The following C7orf78 variants were observed in gnomAD, a reference collection of about 807,000 sequenced individuals.
The protein encoded by C7orf78 is putative uncharacterized protein C7orf78.
the C7orf78 span, among the ~76,000 whole-genome samples, chr7:12,539,324 C>T: frequency 4.6e-5 from 7 of 152,016 alleles, no homozygotes; most frequent in Non-Finnish European, 7.4e-5. Context: ...ATTAGCCGGG[C>T]GTGGTGGCAC....
chr7:12,530,743 T>G, the C7orf78 span, among the ~76,000 whole-genome samples: 2 of 152,134 alleles, frequency 1.3e-5, no homozygotes, highest in African/African-American at 4.8e-5. Context: ...TCACGAGAAG[T>G]TTAGTGAGTG....
chr7:12,491,738 G>A, the C7orf78 span: 1 of 152,150 alleles, frequency 6.6e-6, no homozygotes, highest in Non-Finnish European at 1.5e-5. Context: ...GATGCAACAT[G>A]GATCTCATGG....
At chr7:12,534,022 A>AT in the C7orf78 span, among the ~76,000 whole-genome samples, 2 of 152,008 alleles carry the variant, frequency 1.3e-5, no homozygotes, top group Non-Finnish European at 2.9e-5. Context: ...TTATTTTTTC[A>AT]TTTTTTACAA....
At chr7:12,495,931 T>A in the C7orf78 span, among the ~76,000 whole-genome samples, 37 of 123,726 alleles carry the variant, frequency 3.0e-4, no homozygotes, top group African/African-American at 8.4e-4. Flanking sequence ...CAAAAAAAAT[T>A]TTTTTTTTTT....
chr7:12,486,376 A>G, the C7orf78 span, among the ~76,000 whole-genome samples: 1 of 151,822 alleles, frequency 6.6e-6, no homozygotes, highest in Non-Finnish European at 1.5e-5. Flanking sequence ...TATTCATTCA[A>G]CAATATTTAT....
At chr7:12,500,802 C>T in the C7orf78 span, among the ~76,000 whole-genome samples, 65 of 147,950 alleles carry the variant, frequency 4.4e-4, no homozygotes, top group Middle Eastern at 6.9e-3. Context: ...GACCAATAGC[C>T]TTGATGAACA....
chr7:12,515,786 C>A, the C7orf78 span, among the ~76,000 whole-genome samples: 1 of 152,138 alleles, frequency 6.6e-6, no homozygotes, highest in African/African-American at 2.4e-5. Context: ...TGGCATTTTG[C>A]TCCTGCCCTA....
the C7orf78 span, chr7:12,529,057 T>C: frequency 2.5e-6 from 1 of 398,414 alleles, no homozygotes; most frequent in Admixed American, 4.4e-5. Context: ...GAGTTTGACT[T>C]TCTCTATAGC....
At chr7:12,494,358 T>C in the C7orf78 span, among the ~76,000 whole-genome samples, 14,457 of 152,172 alleles carry the variant, frequency 0.095, 846 homozygotes, top group Non-Finnish European at 0.13. Context: ...CTCTGAAGTA[T>C]CACTCCCACT....
At chr7:12,525,429 C>A in the C7orf78 span, among the ~76,000 whole-genome samples, 7 of 152,062 alleles carry the variant, frequency 4.6e-5, no homozygotes, top group Admixed American at 3.9e-4. Flanking sequence ...AAATAATATG[C>A]AATTCTATGT....
the C7orf78 span, among the ~76,000 whole-genome samples, chr7:12,517,197 G>A: frequency 9.2e-5 from 14 of 152,098 alleles, no homozygotes; most frequent in Non-Finnish European, 1.8e-4. Flanking sequence ...TTTTGTGGTA[G>A]TGAATAAGTC....
the C7orf78 span, among the ~76,000 whole-genome samples, chr7:12,516,611 C>T: frequency 4.6e-5 from 7 of 152,170 alleles, no homozygotes; most frequent in South Asian, 2.1e-4. Flanking sequence ...AATGCCAGCC[C>T]GTGAAAGCAG....
the C7orf78 span, chr7:12,507,268 A>T: frequency 6.6e-6 from 1 of 151,484 alleles, no homozygotes; most frequent in Non-Finnish European, 1.4e-5. Flanking sequence ...AGATCGTGCC[A>T]CTGCACTCCA....
the C7orf78 span, among the ~76,000 whole-genome samples, chr7:12,534,344 AAAG>A: frequency 1.3e-5 from 2 of 152,214 alleles, 1 homozygote; most frequent in Admixed American, 1.3e-4. Context: ...CATCGTGCAT[AAAG>A]AAGTAAATTC....
At chr7:12,522,292 A>G in the C7orf78 span, among the ~76,000 whole-genome samples, 1 of 152,092 alleles carries the variant, frequency 6.6e-6, no homozygotes, top group South Asian at 2.1e-4. Context: ...GGAGATTCTG[A>G]ATTCATTGAA....
At chr7:12,498,344 T>G in the C7orf78 span, among the ~76,000 whole-genome samples, 2 of 151,128 alleles carry the variant, frequency 1.3e-5, no homozygotes, top group African/African-American at 4.9e-5. Context: ...GAAAAAAATT[T>G]AGAAGAATGT....
the C7orf78 span, among the ~76,000 whole-genome samples, chr7:12,539,474 AAAAC>A: frequency 6.6e-6 from 1 of 152,156 alleles, no homozygotes. Context: ...AAAAAACAAA[AAAAC>A]AAAGCCTTCA....
the C7orf78 span, chr7:12,530,871 G>A: frequency 7.7e-6 from 3 of 391,570 alleles, no homozygotes; most frequent in South Asian, 2.9e-4. Context: ...AGCCCTTTAT[G>A]TCTAAGCAGA....
the C7orf78 span, among the ~76,000 whole-genome samples, chr7:12,520,634 T>C: frequency 6.6e-6 from 1 of 152,248 alleles, no homozygotes; most frequent in Non-Finnish European, 1.5e-5. Flanking sequence ...AGACTTGCTT[T>C]GTGGCCTAAC....
Sources: allele counts gnomAD v4.1 joint callset (sites outside exome capture counted in the v4.1 genomes callset), GRCh38; gene constraint gnomAD v4.1.1; transcripts MANE v1.5; gene names NCBI Gene and HGNC (gene_info 2026-07-23, HGNC 2026-07-21).